The following ANKS1B variants were observed in gnomAD, a reference collection of about 807,000 sequenced individuals.
ANKS1B encodes ankyrin repeat and sterile alpha motif domain-containing protein 1B.
A neutral mutation model predicts 148.3 loss-of-function variants in ANKS1B; 36 were observed. That is an observed-to-expected ratio of 0.24 (90% CI 0.19 to 0.32). The LOEUF is 0.32. Among genes scored for constraint, ANKS1B ranks in the 10% least tolerant of loss-of-function variants. ANKS1B has a pLI of 1.00. For missense variants in ANKS1B, 1,157 were observed against 1,542.6 expected (o/e 0.75, Z 4.19); for synonymous variants, 542 against 560.8 (o/e 0.97, Z 0.47).
At chr12:99,853,141 C>A (rs1260658155) in intron 1 of ANKS1B, among the ~76,000 whole-genome samples, 1 of 151,892 alleles carries the variant, frequency 6.6e-6, no homozygotes, top group East Asian at 1.9e-4. Flanking sequence ...ACACTGGTAG[C>A]TAAAAAAAAG....
intron 17 of ANKS1B, among the ~76,000 whole-genome samples, chr12:99,024,108 T>C (rs1027385924): frequency 6.6e-6 from 1 of 152,038 alleles, no homozygotes; most frequent in African/African-American, 2.4e-5. Flanking sequence ...CTTGGTTGTT[T>C]GTTTAATCAT....
chr12:99,554,824 A>G (rs1312703778), intron 9 of ANKS1B, among the ~76,000 whole-genome samples: 1 of 152,118 alleles, frequency 6.6e-6, no homozygotes, highest in East Asian at 1.9e-4. Flanking sequence ...TCCAATTGGT[A>G]GTTTTTCAGT....
At chr12:99,132,771 A>G (rs1200027504) in intron 15 of ANKS1B, among the ~76,000 whole-genome samples, 1 of 152,164 alleles carries the variant, frequency 6.6e-6, no homozygotes, top group African/African-American at 2.4e-5. Context: ...GTCTATTAAT[A>G]TAGTGTTATC....
At chr12:99,703,296 T>C (rs111698289) in intron 8 of ANKS1B, among the ~76,000 whole-genome samples, 1 of 152,152 alleles carries the variant, frequency 6.6e-6, no homozygotes, top group African/African-American at 2.4e-5. Flanking sequence ...GGGATACAAA[T>C]GCATTGACTC....
At chr12:98,961,750 G>T (rs754967152) in intron 17 of ANKS1B, among the ~76,000 whole-genome samples, 1 of 151,792 alleles carries the variant, frequency 6.6e-6, no homozygotes, top group Non-Finnish European at 1.5e-5. Context: ...TATGCAGTGG[G>T]GGGGAATGAA....
At position 99,058,719 on chromosome 12, in the gene ANKS1B, C is replaced by CTTTTTTTT. The variant is rs869064302; in HGVS notation, c.2626-5418_2626-5411dup. Among the ~76,000 whole-genome samples the CTTTTTTTT allele has an allele frequency of 2.2e-4, 18 of 80,686 alleles. 3 individuals carry two copies. The highest frequency in any genetic ancestry group is 4.2e-4 in the South Asian group (1 of 2,374). 52.9% of individuals were successfully genotyped at this position (80,686 alleles called of 152,430 possible). On this transcript the variant is annotated intron_variant, in intron 16 of 26. Transcript: ENST00000683438. ...TTCTCCTAATGAAATTCTATCTATC[C>CTTTTTTTT]TTTTTTTTTTTTTTTTTTTTTTTTT...
chr12:98,985,416 G>A (rs2099922707), intron 17 of ANKS1B, among the ~76,000 whole-genome samples: 1 of 152,058 alleles, frequency 6.6e-6, no homozygotes, highest in South Asian at 2.1e-4. Flanking sequence ...AACTTTCTAT[G>A]TCTTTTTATC....
At chr12:98,816,355 G>GGT (rs2099140166) in intron 19 of ANKS1B, among the ~76,000 whole-genome samples, 1 of 152,160 alleles carries the variant, frequency 6.6e-6, no homozygotes, top group Admixed American at 6.5e-5. Context: ...GAGTGCAATG[G>GGT]CACGATCTTG....
intron 1 of ANKS1B, among the ~76,000 whole-genome samples, chr12:99,930,245 A>G (rs1001962872): frequency 1.3e-5 from 2 of 151,640 alleles, no homozygotes; most frequent in African/African-American, 4.9e-5. Flanking sequence ...TAGGTATTTT[A>G]TTCTCTTTGA....
At chr12:98,915,821 G>T (rs2099793579) in intron 17 of ANKS1B, among the ~76,000 whole-genome samples, 1 of 152,200 alleles carries the variant, frequency 6.6e-6, no homozygotes, top group African/African-American at 2.4e-5. Context: ...TGATTAACTT[G>T]CCAGAAACAC....
intron 15 of ANKS1B, among the ~76,000 whole-genome samples, chr12:99,144,868 C>G (rs2072430550): frequency 6.6e-6 from 1 of 151,990 alleles, no homozygotes; most frequent in South Asian, 2.1e-4. Flanking sequence ...CCTTATAGCC[C>G]TCAGAGGAAC....
intron 17 of ANKS1B, among the ~76,000 whole-genome samples, chr12:98,938,950 C>G (rs1215871751): frequency 1.3e-5 from 2 of 152,194 alleles, no homozygotes; most frequent in Non-Finnish European, 2.9e-5. Flanking sequence ...TGAGTTTTAA[C>G]AAGATAACAT....
chr12:99,410,004 G>T (rs7963497), intron 11 of ANKS1B, among the ~76,000 whole-genome samples: 39,764 of 152,062 alleles, frequency 0.26, 5,512 homozygotes, highest in East Asian at 0.5. Context: ...CTTTCCAGAG[G>T]ACTTGCTTCT....
At chr12:99,351,686 C>A (rs1349924972) in intron 12 of ANKS1B, among the ~76,000 whole-genome samples, 1 of 151,958 alleles carries the variant, frequency 6.6e-6, no homozygotes, top group Non-Finnish European at 1.5e-5. Context: ...TGACAAAGAA[C>A]AGGTGCTCAA....
chr12:99,346,270 C>A (rs1211425162), intron 12 of ANKS1B, among the ~76,000 whole-genome samples: 2 of 151,486 alleles, frequency 1.3e-5, no homozygotes, highest in African/African-American at 2.4e-5. Context: ...TATGTATTTT[C>A]TTGATAGTTA....
intron 15 of ANKS1B, among the ~76,000 whole-genome samples, chr12:99,108,930 C>A (rs1007884228): frequency 1.3e-5 from 2 of 152,110 alleles, no homozygotes; most frequent in Non-Finnish European, 2.9e-5. Flanking sequence ...ATACATGGTA[C>A]TGATCACTCA....
intron 8 of ANKS1B, among the ~76,000 whole-genome samples, chr12:99,739,187 C>CT (rs1389892528): frequency 6.6e-6 from 1 of 151,636 alleles, no homozygotes; most frequent in Non-Finnish European, 1.5e-5. Flanking sequence ...TCTACCCTAA[C>CT]TTTATAAATT....
intron 9 of ANKS1B, among the ~76,000 whole-genome samples, chr12:98,738,539 A>G (rs144695489): frequency 7.9e-5 from 12 of 152,280 alleles, no homozygotes; most frequent in African/African-American, 2.6e-4. Context: ...CCCAACTCTC[A>G]TTTATCTTCA....
Position 99,318,772 on chromosome 12 carries a change from A to C in ANKS1B, c.1757-71908T>G, listed in dbSNP as rs546621346. On this transcript the variant is annotated intron_variant, in intron 12 of 26. Coordinates refer to ENST00000683438, the MANE Select transcript of ANKS1B (RefSeq NM_001352186.2). ...TTTTAATTGTGATGTTAGCGTGTCA[A>C]TTTTAGATCTTTCCTGCTTTCTCCG... Among the ~76,000 whole-genome samples, 12 of 151,230 alleles carry C rather than the reference A, an allele frequency of 7.9e-5. No homozygotes were observed. The South Asian group carries it at 1.9e-3, about 24-fold the overall frequency.
Sources: gnomAD v4.1 joint callset for allele counts (sites outside exome capture counted in the v4.1 genomes callset) on GRCh38, gnomAD v4.1.1 for gene constraint, MANE v1.5 for transcripts, NCBI Gene and HGNC (gene_info 2026-07-23, HGNC 2026-07-21) for gene names.